Variants in SNTG1 observed in about 807,000 individuals in gnomAD.
SNTG1 encodes the protein gamma-1-syntrophin.
In SNTG1, 39 loss-of-function variants were observed where a neutral mutation model predicts 74.7. That is an observed-to-expected ratio of 0.52 (90% CI 0.40 to 0.68). The LOEUF is 0.68. Ranked by LOEUF, SNTG1 falls within the 30% of genes least tolerant of loss-of-function variation. The pLI is 0.00. For synonymous variants in SNTG1, 254 were observed against 217.1 expected, an observed-to-expected ratio of 1.17 and a Z score of -1.49; for missense variants, 685 against 609.5, an observed-to-expected ratio of 1.12 and a Z score of -1.30.
In SNTG1 at chr8:50,284,912, A is replaced by G. The variant is rs1049180483; in HGVS notation, c.-27-109300A>G. Among the ~76,000 whole-genome samples, 4 of 152,090 alleles carry G rather than the reference A, an allele frequency of 2.6e-5. No individual in the cohort carries two copies. The East Asian group carries it at 5.8e-4, about 22-fold the overall frequency. On this transcript the variant is annotated intron_variant, in intron 2 of 18. Transcript: ENST00000642720. ...CATTTTTGCAAAAAGCAACTTATCA[A>G]TGTTTATTTTTTTTACTTTTAAAAG...
intron 18 of SNTG1, among the ~76,000 whole-genome samples, chr8:50,784,340 G>T (rs182226488): frequency 2.0e-5 from 3 of 151,740 alleles, no homozygotes; most frequent in Non-Finnish European, 4.4e-5. Flanking sequence ...CAAATAAAAG[G>T]ATACAAATAT....
intron 2 of SNTG1, among the ~76,000 whole-genome samples, chr8:50,362,516 C>A (rs1442753346): frequency 2.0e-5 from 3 of 148,694 alleles, no homozygotes; most frequent in African/African-American, 4.9e-5. Flanking sequence ...TAAAGATAGT[C>A]TTTTTTTTTT....
intron 1 of SNTG1, among the ~76,000 whole-genome samples, chr8:50,055,342 A>T (rs1004153392): frequency 6.6e-6 from 1 of 152,088 alleles, no homozygotes; most frequent in African/African-American, 2.4e-5. Context: ...CCATTTTATT[A>T]TATCTTGCTT....
chr8:49,949,369 C>T (rs554811107), intron 1 of SNTG1, among the ~76,000 whole-genome samples: 32 of 152,194 alleles, frequency 2.1e-4, no homozygotes, highest in South Asian at 1.0e-3. Flanking sequence ...ATACTGAATC[C>T]TTAGGTGTTG....
intron 5 of SNTG1, among the ~76,000 whole-genome samples, chr8:50,447,299 G>A (rs1410514251): frequency 4.6e-5 from 7 of 152,180 alleles, no homozygotes; most frequent in African/African-American, 1.7e-4. Flanking sequence ...TAAGAGAAAA[G>A]GGTGAAATGC....
At chr8:50,642,329 T>A (rs978466768) in intron 13 of SNTG1, among the ~76,000 whole-genome samples, 1 of 152,278 alleles carries the variant, frequency 6.6e-6, no homozygotes, top group Non-Finnish European at 1.5e-5. Context: ...TTGCTTCTTT[T>A]CTTTCTTTCT....
chr8:50,686,143 A>C (rs962960269), intron 15 of SNTG1, among the ~76,000 whole-genome samples: 10 of 152,320 alleles, frequency 6.6e-5, no homozygotes, highest in Admixed American at 6.5e-4. Context: ...TAAGTGATAT[A>C]CATCAATCAA....
intron 12 of SNTG1, among the ~76,000 whole-genome samples, chr8:50,572,275 T>TATATAG (rs567247331): frequency 2.7e-5 from 4 of 148,372 alleles, no homozygotes; most frequent in African/African-American, 1.0e-4. Context: ...TATATATATA[T>TATATAG]AGAGAGAGAG....
At chr8:50,535,572 A>ACTGG (rs2094301852) in intron 10 of SNTG1, among the ~76,000 whole-genome samples, 1 of 152,192 alleles carries the variant, frequency 6.6e-6, no homozygotes, top group Non-Finnish European at 1.5e-5. Flanking sequence ...GGGACCCCTC[A>ACTGG]CTAAGTGATC....
chr8:49,931,272 T>C (rs1416731995), intron 1 of SNTG1, among the ~76,000 whole-genome samples: 2 of 152,346 alleles, frequency 1.3e-5, no homozygotes, highest in South Asian at 2.1e-4. Flanking sequence ...ATTTATTAAA[T>C]TGGAATATCC....
At chr8:50,063,648 A>G (rs573321411) in intron 1 of SNTG1, among the ~76,000 whole-genome samples, 82 of 152,182 alleles carry the variant, frequency 5.4e-4, no homozygotes, top group African/African-American at 1.9e-3. Flanking sequence ...AAATAGAAAT[A>G]GTTTCCATCA....
chr8:50,108,659 A>G (rs1563607618), intron 1 of SNTG1, among the ~76,000 whole-genome samples: 1 of 152,166 alleles, frequency 6.6e-6, no homozygotes, highest in African/African-American at 2.4e-5. Flanking sequence ...ATTTTCTTGA[A>G]CCTAAAATAT....
intron 13 of SNTG1, among the ~76,000 whole-genome samples, chr8:50,634,639 G>C (rs1272615740): frequency 6.6e-6 from 1 of 152,242 alleles, no homozygotes; most frequent in African/African-American, 2.4e-5. Context: ...TATTGAAATT[G>C]ATAAAAACCT....
At chr8:50,140,702 C>T (rs1004037497) in intron 1 of SNTG1, among the ~76,000 whole-genome samples, 1 of 152,102 alleles carries the variant, frequency 6.6e-6, no homozygotes, top group Non-Finnish European at 1.5e-5. Context: ...GCCAACCTCA[C>T]TTGTCTTTCA....
At chr8:50,685,950 ATG>A (rs146281873) in intron 15 of SNTG1, among the ~76,000 whole-genome samples, 30 of 151,318 alleles carry the variant, frequency 2.0e-4, no homozygotes, top group Non-Finnish European at 4.0e-4. Flanking sequence ...TTATAGAGAC[ATG>A]TGTGTGTGTG....
rs116261749 is a variant in SNTG1, at chr8:50,195,249, C to T, written c.-28+22614C>T. 3.5e-3 allele frequency among the ~76,000 whole-genome samples: 526 copies of T among 152,140 alleles called. 9 individuals are homozygous for T. The highest frequency in any genetic ancestry group is 0.012 in the African/African-American group (504 of 41,528). ...AAAGCCAGCAGTCACAGGCCTCACA[C>T]AGCTCCCATGCAAACCTAAGGGCTG... On this transcript the variant is annotated intron_variant, in intron 2 of 18. Transcript: ENST00000642720.
chr8:50,389,109 C>T (rs1357809144), intron 2 of SNTG1, among the ~76,000 whole-genome samples: 9 of 152,230 alleles, frequency 5.9e-5, no homozygotes, highest in Admixed American at 5.2e-4. Context: ...GCACGGGAAG[C>T]ATGTGAGGCC....
chr8:50,360,176 C>G (rs2091920183), intron 2 of SNTG1, among the ~76,000 whole-genome samples: 1 of 151,748 alleles, frequency 6.6e-6, no homozygotes, highest in Non-Finnish European at 1.5e-5. Context: ...TATGATCAAA[C>G]TAAATAGTGC....
At chr8:50,316,211 G>T (rs2090313846) in intron 2 of SNTG1, among the ~76,000 whole-genome samples, 1 of 152,050 alleles carries the variant, frequency 6.6e-6, no homozygotes, top group Non-Finnish European at 1.5e-5. Context: ...CTAGCTTACA[G>T]AATTTGGTAA....
Sources: allele counts gnomAD v4.1 joint callset (sites outside exome capture counted in the v4.1 genomes callset), GRCh38; gene constraint gnomAD v4.1.1; transcripts MANE v1.5; gene names NCBI Gene and HGNC (gene_info 2026-07-23, HGNC 2026-07-21).